Variants in ICE2 observed in about 807,000 individuals in gnomAD.
ICE2 encodes the protein interactor of little elongation complex ELL subunit 2.
In ICE2, 87 loss-of-function variants were observed where a neutral mutation model predicts 105.4. That is an observed-to-expected ratio of 0.83 (90% CI 0.69 to 0.99). The LOEUF is 0.99. ICE2 is among the 50% of genes least tolerant of loss of function. ICE2 has a pLI of 0.00. For synonymous variants in ICE2, 399 were observed against 392.0 expected, an observed-to-expected ratio of 1.02 and a Z score of -0.21; for missense variants, 1,323 against 1,146.7, an observed-to-expected ratio of 1.15 and a Z score of -2.22.
chr15:60,462,975 G>A (rs1217224565), intron 5 of ICE2, among the ~76,000 whole-genome samples: 1 of 152,162 alleles, frequency 6.6e-6, no homozygotes, highest in Non-Finnish European at 1.5e-5. Flanking sequence ...TTATGATGGT[G>A]CCAAACCATT....
At position 60,420,303 on chromosome 15, in the gene ICE2, CA is replaced by C. The variant is rs1271885021; in HGVS notation, c.*3330del. ...CTTACCAACAACAAAACTGAGTTGT[CA>C]TTTTTTTTTTTTTCCTTATACATCA... On this transcript the variant is annotated 3_prime_UTR_variant, in exon 16 of 16. Coordinates refer to ENST00000261520, the MANE Select transcript of ICE2 (RefSeq NM_024611.6). 6.6e-6 allele frequency: 1 copy of C among 151,396 alleles called. No homozygotes were observed. The highest frequency in any genetic ancestry group is 6.6e-5 in the Admixed American group (1 of 15,236). 9.4% of individuals were successfully genotyped at this position (151,396 alleles called of 1,614,324 possible). A position where few individuals can be genotyped will look rare whatever the true frequency, so the allele number is the denominator to read the frequency against.
Position 60,456,648 on chromosome 15 carries a change from A to G in ICE2, c.666+9T>C, listed in dbSNP as rs780483124. On this transcript the variant is annotated intron_variant, in intron 6 of 15. Transcript: ENST00000261520. ...AAAAAAGCTTATATCGTCTGATAATAAACCTTACCAATGCGAGAAGAGTTT... is the reference window on the plus strand; with the variant it reads ...AAAAAAGCTTATATCGTCTGATAATGAACCTTACCAATGCGAGAAGAGTTT... 22 of 1,568,886 alleles carry G rather than the reference A, an allele frequency of 1.4e-5. No homozygotes were observed. Among genetic ancestry groups the G allele is most frequent in the Non-Finnish European group, 1.9e-5 (22 of 1,157,630 alleles).
At chr15:60,451,036 G>A in intron 9 of ICE2, 1 of 345,276 alleles carries the variant, frequency 2.9e-6, no homozygotes, top group Non-Finnish European at 4.1e-6. Flanking sequence ...AAAGCAAGAA[G>A]CGTTATATAG....
Position 60,455,132 on chromosome 15 carries a change from G to C in ICE2, c.814C>G (p.Leu272Val). The stretch of plus-strand genomic sequence containing the variant: ...ATCTGAGGGTGATATCTGGAAACAA[G>C]CTTCTCTGCATTTGGATCTTTACTA... ...DISKDPNAEK[L>V]VSRYHPQIAL... Residue 272 changes from leucine to valine, a missense_variant, in exon 8 of 16, where the codon CTT becomes GTT. By Grantham distance (32) the Leu-to-Val change is conservative. Transcript: ENST00000261520. 4 of 1,586,712 alleles carry C rather than the reference G, an allele frequency of 2.5e-6. No individual in the cohort carries two copies. The highest frequency in any genetic ancestry group is 2.6e-6 in the Non-Finnish European group (3 of 1,171,630).
In ICE2 at chr15:60,436,150, C is replaced by T. The variant is rs763871630; in HGVS notation, c.2503G>A (p.Ala835Thr). 5 of 1,417,738 alleles carry T rather than the reference C, an allele frequency of 3.5e-6. No individual in the cohort carries two copies. In the South Asian group the frequency reaches 7.0e-5, roughly 20 times the overall value. 87.8% of individuals were successfully genotyped at this position (1,417,738 alleles called of 1,614,324 possible). ...CAAAGTAAACTTTCTTACTTGAGTG[C>T]TGAAAGCTTTTCTTTTAATTCTTCT... Reference protein sequence around the residue: ...TSEELKEKLSALKISNLFNIL... With the variant: ...TSEELKEKLSTLKISNLFNIL... The change falls in exon 13 of 16, where the codon GCA becomes ACA. Residue 835 changes from alanine (A) to threonine (T), a missense_variant. By Grantham distance (58) the Ala-to-Thr change is moderately conservative. Transcript: ENST00000261520.
intron 3 of ICE2, among the ~76,000 whole-genome samples, chr15:60,473,680 C>A (rs2064673502): frequency 6.6e-6 from 1 of 152,100 alleles, no homozygotes; most frequent in Non-Finnish European, 1.5e-5. Context: ...TCCAAATAAA[C>A]AATGGCAATT....
chr15:60,438,586 T>C (rs1014355780), intron 12 of ICE2: 1 of 152,230 alleles, frequency 6.6e-6, no homozygotes, highest in Non-Finnish European at 1.5e-5. Flanking sequence ...TTACTAATTA[T>C]GTCTTTGAGA....
At chr15:60,477,685 A>C (rs962294417) in intron 2 of ICE2, among the ~76,000 whole-genome samples, 2 of 152,200 alleles carry the variant, frequency 1.3e-5, no homozygotes, top group Non-Finnish European at 2.9e-5. Context: ...ACCAACAATA[A>C]ATACCTGAGG....
At chr15:60,453,060 A>G (rs909027965) in intron 9 of ICE2, 6 of 682,352 alleles carry the variant, frequency 8.8e-6, no homozygotes, top group African/African-American at 7.8e-5. Flanking sequence ...GCGAAATCTC[A>G]TCTCTACTAA....
intron 3 of ICE2, among the ~76,000 whole-genome samples, chr15:60,475,133 C>G (rs2064722072): frequency 6.6e-6 from 1 of 152,090 alleles, no homozygotes; most frequent in Admixed American, 6.6e-5. Flanking sequence ...GTTGAGCTTC[C>G]CTGGGGGAGT....
intron 12 of ICE2, 151 bp from the exon 13 acceptor site, chr15:60,436,378 G>A (rs907620099): frequency 9.3e-6 from 4 of 429,296 alleles, no homozygotes; most frequent in Non-Finnish European, 1.7e-5. Context: ...ATTTTATTAA[G>A]TCTTAAGTAA....
Position 60,447,969 on chromosome 15 carries a change from C to T in ICE2, c.2295+1G>A. 6.2e-7 allele frequency: 1 copy of T among 1,606,244 alleles called. No individual in the cohort carries two copies. Among genetic ancestry groups the T allele is most frequent in the Non-Finnish European group, 8.5e-7 (1 of 1,176,734 alleles). On this transcript the variant is annotated splice_donor_variant, in intron 11 of 15. Transcript: ENST00000261520. LOFTEE classifies it high-confidence loss of function. The stretch of plus-strand genomic sequence containing the variant: ...TTCTAACTCCGCAAATAACAACTTA[C>T]TCTTCTGATTTTCTTCCGTTTTTTA...
intron 5 of ICE2, among the ~76,000 whole-genome samples, chr15:60,463,648 C>T (rs934918867): frequency 6.6e-6 from 1 of 152,170 alleles, no homozygotes; most frequent in African/African-American, 2.4e-5. Context: ...TGGCAGGAGC[C>T]TGTAATCCCA....
intron 15 of ICE2, among the ~76,000 whole-genome samples, chr15:60,425,756 T>C (rs2063327156): frequency 6.6e-6 from 1 of 152,208 alleles, no homozygotes; most frequent in African/African-American, 2.4e-5. Context: ...TAGGTCTTAC[T>C]TCCCTGGTTT....
intron 6 of ICE2, among the ~76,000 whole-genome samples, chr15:60,455,762 T>C (rs1255116613): frequency 6.6e-6 from 1 of 152,006 alleles, no homozygotes; most frequent in Non-Finnish European, 1.5e-5. Flanking sequence ...GGATAACAGG[T>C]GTGTGCCAGC....
chr15:60,455,467 T>C (rs371906705), intron 6 of ICE2, 25 bp from the exon 7 acceptor site: 2 of 1,472,908 alleles, frequency 1.4e-6, no homozygotes, highest in Non-Finnish European at 9.4e-7. Context: ...AAAATCATTT[T>C]ATTGCAAAAA....
Position 60,456,783 on chromosome 15 carries a change from T to G in ICE2, c.540A>C (p.Arg180Ser), listed in dbSNP as rs764891365. The change falls in exon 6 of 16, where the codon AGA becomes AGC. Residue 180 changes from arginine (R) to serine (S), a missense_variant. Arg to Ser is a moderately radical substitution (Grantham distance 110). Coordinates refer to ENST00000261520, the MANE Select transcript of ICE2 (RefSeq NM_024611.6). ...DARLFTEKIL[R>S]ACIEQVKKYS... ...ACTTTTTCACTTGTTCAATGCAAGC[T>G]CTTAAAATTTTCTGAGAAACAGAAA... 2.0e-6 allele frequency: 3 copies of G among 1,481,662 alleles called. No individual in the cohort carries two copies. The highest frequency in any genetic ancestry group is 2.5e-5 in the Admixed American group (1 of 39,280). 91.8% of individuals were successfully genotyped at this position (1,481,662 alleles called of 1,614,324 possible).
chr15:60,432,104 T>G, intron 13 of ICE2, 120 bp from the exon 14 acceptor site: 1 of 311,968 alleles, frequency 3.2e-6, no homozygotes, highest in Non-Finnish European at 5.5e-6. Context: ...GATGAGATAA[T>G]GTAATACAAA....
rs549449401 is a variant in ICE2, at chr15:60,445,514, G to GA, written c.2295+2455dup. The GA allele has an allele frequency of 1.4e-4, 127 of 919,970 alleles. No individual in the cohort carries two copies. The Admixed American group carries it at 1.4e-3, about 10-fold the overall frequency. 57.0% of individuals were successfully genotyped at this position (919,970 alleles called of 1,614,324 possible). On this transcript the variant is annotated intron_variant, in intron 11 of 15. Transcript: ENST00000261520. ...AACGGGGGCAATGTAAGCATTCACT[G>GA]AAAATTTTAAAATTTTATTCTGAGT...
Sources: gnomAD v4.1 joint callset for allele counts (sites outside exome capture counted in the v4.1 genomes callset) on GRCh38, gnomAD v4.1.1 for gene constraint, MANE v1.5 for transcripts, NCBI Gene and HGNC (gene_info 2026-07-23, HGNC 2026-07-21) for gene names.